Variants in KLHL35 observed in about 807,000 individuals in gnomAD.
The protein encoded by KLHL35 is kelch like family member 35.
In KLHL35, 50 loss-of-function variants were observed where a neutral mutation model predicts 44.0. The observed-to-expected ratio is 1.14, with a 90% confidence interval of 0.91 to 1.44. The LOEUF (loss-of-function observed/expected upper bound fraction) is 1.44. Among genes scored for constraint, KLHL35 ranks in the 40% most tolerant of loss-of-function variants. The pLI, the probability that KLHL35 is intolerant of heterozygous loss-of-function variation, is 0.00. For synonymous variants in KLHL35, 470 were observed against 410.4 expected, an observed-to-expected ratio of 1.15 and a Z score of -1.76; for missense variants, 1,049 against 887.8, an observed-to-expected ratio of 1.18 and a Z score of -2.31.
At chr11:75,423,633 T>G in intron 6 of KLHL35, 59 bp downstream of exon 6, 1 of 1,432,922 alleles carries the variant, frequency 7.0e-7, no homozygotes, top group Non-Finnish European at 9.7e-7. Context: ...ATTCACAAGC[T>G]CCAAGATCCA....
At position 75,426,840 on chromosome 11, in the gene KLHL35, G is replaced by A. The variant is rs115499052; in HGVS notation, c.1067-202C>T. 281 of 468,828 alleles carry A rather than the reference G, an allele frequency of 6.0e-4. 1 individual carries two copies. Among genetic ancestry groups the A allele is most frequent in the African/African-American group, 4.7e-3 (242 of 51,696 alleles). 29.0% of individuals were successfully genotyped at this position (468,828 alleles called of 1,614,324 possible). A position where few individuals can be genotyped will look rare whatever the true frequency, so the allele number is the denominator to read the frequency against. On this transcript the variant is annotated intron_variant, in intron 3 of 6. Coordinates refer to ENST00000539798, the MANE Select transcript of KLHL35 (RefSeq NM_001039548.3). Reference sequence around the variant, plus strand: ...TGGGAATGTCTGAGTTACGACCCTCGAGGGGAGAAGCCTGACACATTCAGG... The same window carrying A: ...TGGGAATGTCTGAGTTACGACCCTCAAGGGGAGAAGCCTGACACATTCAGG...
Position 75,428,546 on chromosome 11 carries a change from G to A in KLHL35, c.962C>T (p.Ala321Val). The change falls in exon 3 of 7, where the codon GCC (alanine) becomes GTC (valine). Residue 321 changes from alanine to valine, a missense_variant. Physicochemically the swap from Ala to Val is moderately conservative, Grantham distance 64 (BLOSUM62 0). Transcript: ENST00000539798. ...KGLLKLPFAD[A>V]YHPESQRWTP... ...CCACCGCTGGCTCTCTGGATGGTAGGCATCGGCGAAGGGCAGCTTCAGGAG... is the reference window on the plus strand; with the variant it reads ...CCACCGCTGGCTCTCTGGATGGTAGACATCGGCGAAGGGCAGCTTCAGGAG... 6.2e-7 allele frequency: 1 copy of A among 1,611,878 alleles called. No homozygotes were observed. Among genetic ancestry groups the A allele is most frequent in the Non-Finnish European group, 8.5e-7 (1 of 1,179,786 alleles).
Position 75,433,059 on chromosome 11 carries a change from C to T in KLHL35, c.-18G>A. 6.6e-6 allele frequency among the ~76,000 whole-genome samples: 1 copy of T among 152,224 alleles called. No individual in the cohort carries two copies. Among genetic ancestry groups the T allele is most frequent in the South Asian group, 2.1e-4 (1 of 4,830 alleles). On this transcript the variant is annotated 5_prime_UTR_variant, in exon 1 of 7. Transcript: ENST00000539798. ...GGCACTTACCTGGCCATACCCTCTC[C>T]CAAGTGCTCCGCAGCTGCTGCTCTC...
chr11:75,432,967 C>G (rs1565173258), intron 1 of KLHL35, among the ~76,000 whole-genome samples, 76 bp downstream of exon 1: 1 of 152,218 alleles, frequency 6.6e-6, no homozygotes, highest in Admixed American at 6.5e-5. Context: ...GCATCCTCCC[C>G]ATCTCAGACT....
chr11:75,429,309 CT>C lies in KLHL35; in HGVS notation c.881+439del, dbSNP rs1948514647. ...CTTAGTGTTAGAGAGAGTGTCGTCT[CT>C]GGGGGCATGATTAAGGGCTACTCTG... is the stretch of plus-strand genomic sequence containing the variant. On this transcript the variant is annotated intron_variant, in intron 2 of 6. Transcript: ENST00000539798. Among the ~76,000 whole-genome samples the C allele has an allele frequency of 2.0e-5, 3 of 152,156 alleles. No homozygotes were observed. In the South Asian group the frequency reaches 6.2e-4, roughly 32 times the overall value.
Position 75,422,598 on chromosome 11 carries a change from G to A in KLHL35, c.1734C>T (p.Ile578=). ...CTSSHGCVTI[I]QSLGR is the part of the protein sequence containing the mutation. Reference sequence around the variant, plus strand: ...ATCTGAATCACCTGCCCAAGCTCTGGATGATGGTGACACAGCCGTGGGAGC... The same window carrying A: ...ATCTGAATCACCTGCCCAAGCTCTGAATGATGGTGACACAGCCGTGGGAGC... The change falls in exon 7 of 7, where the codon ATC becomes ATT. Residue 578 remains isoleucine, a synonymous_variant. Coordinates refer to ENST00000539798, the MANE Select transcript of KLHL35 (RefSeq NM_001039548.3). 1 of 1,613,396 alleles carries A rather than the reference G, an allele frequency of 6.2e-7. No homozygotes were observed. Among genetic ancestry groups the A allele is most frequent in the Non-Finnish European group, 8.5e-7 (1 of 1,179,502 alleles).
chr11:75,430,090 C>T lies in KLHL35; in HGVS notation c.540G>A (p.Gln180=), dbSNP rs567545451. 6.8e-5 allele frequency: 92 copies of T among 1,357,340 alleles called. 1 individual carries two copies. The African/African-American group carries it at 1.3e-3, about 20-fold the overall frequency. The allele number at this position is 1,357,340 out of a possible 1,614,324, so 84.1% of individuals were successfully genotyped here. ...CGTGGCGCGCCACCTCGGCGAAGGC[C>T]TGACGCAGGACGCGGCCGCAGCGCT... ...LAERCGRVLR[Q]AFAEVARHAD... The change falls in exon 2 of 7, where the codon CAG becomes CAA. Residue 180 remains glutamine, a synonymous_variant. Transcript: ENST00000539798.
chr11:75,423,660 T>A (rs773009735), intron 6 of KLHL35, 32 bp downstream of exon 6: 56 of 1,594,862 alleles, frequency 3.5e-5, no homozygotes, highest in Middle Eastern at 1.7e-4. Flanking sequence ...TAGAAGCGGG[T>A]TCCGCTCTCC....
In KLHL35 at chr11:75,430,289, C is replaced by A. The variant is rs1456432874; in HGVS notation, c.341G>T (p.Gly114Val). 15 of 1,222,806 alleles carry A rather than the reference C, an allele frequency of 1.2e-5. No homozygotes were observed. The highest frequency in any genetic ancestry group is 1.5e-5 in the Non-Finnish European group (15 of 984,040). 75.7% of individuals were successfully genotyped at this position (1,222,806 alleles called of 1,614,324 possible). A position where few individuals can be genotyped will look rare whatever the true frequency, so the allele number is the denominator to read the frequency against. The change falls in exon 2 of 7, where the codon GGC (glycine) becomes GTC (valine). Residue 114 changes from glycine to valine, a missense_variant. By Grantham distance (109) the Gly-to-Val change is moderately radical (BLOSUM62 -3). Transcript: ENST00000539798. The stretch of plus-strand genomic sequence containing the variant: ...CTCGTCCTCCGCGCGCAGCCGCACG[C>A]CCGCTCCGTACACGTAGTCGAGCAC... The part of the protein sequence containing the change: ...AVVLDYVYGA[G>V]VRLRAEDEAA...
In KLHL35 at chr11:75,429,730, T is replaced by C; in HGVS notation, c.881+19A>G. ...GCGGGAAGAACGGAGGGCGGGAAGC[T>C]AGGGGATGGCGGCCCTACCTCCGCG... On this transcript the variant is annotated intron_variant, in intron 2 of 6. Transcript: ENST00000539798. The C allele has an allele frequency of 6.9e-7, 1 of 1,439,192 alleles. No individual in the cohort carries two copies. Among genetic ancestry groups the C allele is most frequent in the Non-Finnish European group, 9.1e-7 (1 of 1,103,090 alleles). 89.2% of individuals were successfully genotyped at this position (1,439,192 alleles called of 1,614,324 possible). A position where few individuals can be genotyped will look rare whatever the true frequency, so the allele number is the denominator to read the frequency against.
rs544472148 is a variant in KLHL35 at position 75,422,931 on chromosome 11, T to C, written c.1564-163A>G. The C allele has an allele frequency of 1.8e-4, 114 of 638,310 alleles. 3 individuals are homozygous for C. The South Asian group carries it at 1.9e-3, about 11-fold the overall frequency. 39.5% of individuals were successfully genotyped at this position (638,310 alleles called of 1,614,324 possible). On this transcript the variant is annotated intron_variant, in intron 6 of 6. Transcript: ENST00000539798. ...GATGGACCTGAGTTCCAGCTCTAGC[T>C]TGACCCTTATTCAGTGAATGGCGTT...
Position 75,430,255 on chromosome 11 carries a change from G to T in KLHL35, c.375C>A (p.Ala125=), listed in dbSNP as rs2135085026. 1.7e-6 allele frequency: 2 copies of T among 1,208,764 alleles called. No homozygotes were observed. Among genetic ancestry groups the T allele is most frequent in the African/African-American group, 1.6e-5 (1 of 61,758 alleles). The allele number at this position is 1,208,764 out of a possible 1,614,324, so 74.9% of individuals were successfully genotyped here. ...CCAGCCGCTCCGCCAGCGCCAGCAC[G>T]GCCGCCGCCTCGTCCTCCGCGCGCA... ...VRLRAEDEAA[A]VLALAERLGV... The change falls in exon 2 of 7, where the codon GCC becomes GCA. Residue 125 remains alanine, a synonymous_variant. Transcript: ENST00000539798.
At chr11:75,426,389 T>C (rs1389203657) in intron 4 of KLHL35, 131 bp downstream of exon 4, 4 of 587,304 alleles carry the variant, frequency 6.8e-6, no homozygotes, top group African/African-American at 3.7e-5. Context: ...TTATGTGACC[T>C]TGGACAAGTC....
At chr11:75,426,233 C>G (rs531493541) in intron 4 of KLHL35, 16 of 219,774 alleles carry the variant, frequency 7.3e-5, no homozygotes, top group East Asian at 2.1e-4. Flanking sequence ...GGGATTACAG[C>G]CACTGCGCCC....
At position 75,426,633 on chromosome 11, in the gene KLHL35, G is replaced by A. The variant is rs780131245; in HGVS notation, c.1072C>T (p.His358Tyr). The change falls in exon 4 of 7, where the codon CAC becomes TAC. Residue 358 changes from histidine (H) to tyrosine (Y), a missense_variant. Coordinates refer to ENST00000539798, the MANE Select transcript of KLHL35 (RefSeq NM_001039548.3). Reference sequence around the variant, plus strand: ...ATCCACACATCATGACTGTTGATGTGGCCTCCTAGGGAGAGAGAAGCAGCT... The same window carrying A: ...ATCCACACATCATGACTGTTGATGTAGCCTCCTAGGGAGAGAGAAGCAGCT... The part of the protein sequence containing the change: ...LRNDVYVSGG[H>Y]INSHDVWMFS... 6.9e-6 allele frequency: 11 copies of A among 1,585,238 alleles called. No individual in the cohort carries two copies. The highest frequency in any genetic ancestry group is 2.7e-5 in the African/African-American group (2 of 74,518).
chr11:75,427,549 A>G lies in KLHL35; in HGVS notation c.1066+893T>C, dbSNP rs183433198. 2.5e-3 allele frequency among the ~76,000 whole-genome samples: 382 copies of G among 152,280 alleles called. 2 individuals are homozygous for G. Among genetic ancestry groups the G allele is most frequent in the Non-Finnish European group, 3.0e-3 (202 of 68,016 alleles). On this transcript the variant is annotated intron_variant, in intron 3 of 6. Transcript: ENST00000539798. Reference sequence around the variant, plus strand: ...GGCCTTGGATAAATTGTCCAGTGGTAATCTGTGGCCTGGATGGTCTGTGAG... The same window carrying G: ...GGCCTTGGATAAATTGTCCAGTGGTGATCTGTGGCCTGGATGGTCTGTGAG...
Position 75,430,016 on chromosome 11 carries a change from T to C in KLHL35, c.614A>G (p.Asp205Gly), listed in dbSNP as rs2135084544. Reference protein sequence around the residue: ...APDEVVALLADPALGVAREEA... With the variant: ...APDEVVALLAGPALGVAREEA... ...CTCGCGCGCCACGCCCAGCGCGGGG[T>C]CCGCCAGCAGCGCCACCACCTCGTC... The change falls in exon 2 of 7, where the codon GAC (aspartate) becomes GGC (glycine). Residue 205 changes from aspartate (D) to glycine (G), a missense_variant. Transcript: ENST00000539798. The C allele has an allele frequency of 7.1e-7, 1 of 1,417,388 alleles. No individual in the cohort carries two copies. Among genetic ancestry groups the C allele is most frequent in the Non-Finnish European group, 9.2e-7 (1 of 1,088,616 alleles). The allele number at this position is 1,417,388 out of a possible 1,614,324, so 87.8% of individuals were successfully genotyped here. A position where few individuals can be genotyped will look rare whatever the true frequency, so the allele number is the denominator to read the frequency against.
intron 6 of KLHL35, 102 bp downstream of exon 6, chr11:75,423,590 G>T: frequency 1.1e-6 from 1 of 921,248 alleles, no homozygotes; most frequent in Non-Finnish European, 1.7e-6. Context: ...AGAGAGTGAT[G>T]TATAATAAAA....
At chr11:75,428,385 G>A in intron 3 of KLHL35, 57 bp downstream of exon 3, 1 of 1,576,744 alleles carries the variant, frequency 6.3e-7, no homozygotes, top group Non-Finnish European at 8.6e-7. Context: ...AAAGGGGGTG[G>A]AGTGCGGAGG....
Sources: gnomAD v4.1 joint callset for allele counts (sites outside exome capture counted in the v4.1 genomes callset) on GRCh38, gnomAD v4.1.1 for gene constraint, MANE v1.5 for transcripts, NCBI Gene and HGNC (gene_info 2026-07-23, HGNC 2026-07-21) for gene names.